PCM1: variants seen among roughly 807,000 people sequenced by gnomAD.
The protein encoded by PCM1 is pericentriolar material 1 protein.
In PCM1, 157 loss-of-function variants were observed where a neutral mutation model predicts 241.9. That is an observed-to-expected ratio of 0.65 (90% CI 0.57 to 0.74). The LOEUF is 0.74. PCM1 is among the 30% of genes least tolerant of loss of function. The probability of loss-of-function intolerance (pLI) is 0.00; values close to 1 mark genes in which losing one functional copy is unlikely to be tolerated. For missense variants in PCM1, 3,478 were observed against 2,360.1 expected (o/e 1.47, Z -9.81); for synonymous variants, 1,085 against 784.9 (o/e 1.38, Z -6.39).
chr8:17,936,652 A>G (rs1036330648), intron 3 of PCM1, among the ~76,000 whole-genome samples: 18 of 152,200 alleles, frequency 1.2e-4, no homozygotes, highest in African/African-American at 4.1e-4. Flanking sequence ...AACTGAGACT[A>G]TAGGAAGCAA....
At chr8:17,985,195 G>A (rs992802073) in intron 24 of PCM1, among the ~76,000 whole-genome samples, 5 of 151,632 alleles carry the variant, frequency 3.3e-5, no homozygotes, top group African/African-American at 1.2e-4. Flanking sequence ...AAATAAACAT[G>A]GTTCTTAGTA....
In PCM1 at chr8:17,968,762, G is replaced by GTGTGTGTGTGTGTATA. The variant is rs373502456; in HGVS notation, c.3413-814_3413-813insGTGTGTGTGTGTATAT. Among the ~76,000 whole-genome samples, 184 of 136,774 alleles carry GTGTGTGTGTGTGTATA rather than the reference G, an allele frequency of 1.3e-3. 1 individual carries two copies. The highest frequency in any genetic ancestry group is 4.5e-3 in the African/African-American group (165 of 36,444). The allele number at this position is 136,774 out of a possible 152,430, so 89.7% of individuals were successfully genotyped here. ...TGTGTGTGTGTGTGTGTGTGTGTGT[G>GTGTGTGTGTGTGTATA]TATATATATATATATACACACCACA... On this transcript the variant is annotated intron_variant, in intron 21 of 38. Transcript: ENST00000325083.
intron 1 of PCM1, among the ~76,000 whole-genome samples, chr8:17,923,912 A>AT (rs2055715912): frequency 6.6e-6 from 1 of 151,962 alleles, no homozygotes; most frequent in South Asian, 2.1e-4. Flanking sequence ...GCGTTTGGGG[A>AT]TTAGGCCCCG....
chr8:18,002,003 T>C (rs1200565692), intron 29 of PCM1, among the ~76,000 whole-genome samples: 24 of 8,410 alleles, frequency 2.9e-3, no homozygotes, highest in African/African-American at 0.012. Flanking sequence ...TTCTTTTTTT[T>C]TTTTTTTTTT....
At chr8:17,940,389 T>A (rs1172954152) in intron 6 of PCM1, among the ~76,000 whole-genome samples, 1 of 152,206 alleles carries the variant, frequency 6.6e-6, no homozygotes, top group Non-Finnish European at 1.5e-5. Flanking sequence ...TAATTTTTGA[T>A]CTTCAGTTTA....
At chr8:17,959,260 A>G (rs1310999093) in intron 13 of PCM1, among the ~76,000 whole-genome samples, 2 of 152,040 alleles carry the variant, frequency 1.3e-5, no homozygotes, top group Non-Finnish European at 2.9e-5. Context: ...GTATAGTTCT[A>G]TATAATTATA....
intron 36 of PCM1, among the ~76,000 whole-genome samples, chr8:18,020,941 C>G (rs2093698579): frequency 6.6e-6 from 1 of 152,232 alleles, no homozygotes; most frequent in East Asian, 1.9e-4. Flanking sequence ...ACAAGTAGCT[C>G]TTAATAAAAA....
chr8:17,929,500 A>G (rs1447179773), intron 2 of PCM1, among the ~76,000 whole-genome samples: 1 of 152,224 alleles, frequency 6.6e-6, no homozygotes, highest in Non-Finnish European at 1.5e-5. Flanking sequence ...GGTGTATTAT[A>G]GGCACATCAA....
intron 2 of PCM1, among the ~76,000 whole-genome samples, chr8:17,928,215 T>C (rs1461587411): frequency 6.6e-6 from 1 of 152,228 alleles, no homozygotes; most frequent in Non-Finnish European, 1.5e-5. Context: ...AGTGTTTATA[T>C]TGAGGGATAT....
At chr8:17,951,627 C>A (rs1381768355) in intron 8 of PCM1, among the ~76,000 whole-genome samples, 3 of 151,928 alleles carry the variant, frequency 2.0e-5, no homozygotes, top group Admixed American at 6.6e-5. Context: ...AAGAAGGATC[C>A]CACTTACCTT....
At chr8:17,972,957 A>C (rs1360967966) in intron 23 of PCM1, among the ~76,000 whole-genome samples, 1 of 152,136 alleles carries the variant, frequency 6.6e-6, no homozygotes, top group African/African-American at 2.4e-5. Context: ...TTATTGAAAA[A>C]TTGCCAAATG....
chr8:17,977,368 T>C (rs903086172), intron 23 of PCM1, among the ~76,000 whole-genome samples: 2 of 152,198 alleles, frequency 1.3e-5, no homozygotes, highest in African/African-American at 4.8e-5. Context: ...GATGAAGTCT[T>C]ACATAATGGC....
chr8:17,935,011 G>A (rs1296423045), intron 2 of PCM1, among the ~76,000 whole-genome samples: 1 of 152,158 alleles, frequency 6.6e-6, no homozygotes, highest in Non-Finnish European at 1.5e-5. Context: ...TTCTTAAAAT[G>A]TCTTCTAGCC....
In PCM1 at chr8:17,980,825, C is replaced by G. The variant is rs1337131598; in HGVS notation, c.4108+70C>G. On this transcript the variant is annotated intron_variant, in intron 24 of 38. Transcript: ENST00000325083. ...TTAGATTTGAAAAGCTATAATAAAG[C>G]AGGTGTTAAAATTGGTGTTTCACAC... The G allele has an allele frequency of 2.4e-6, 3 of 1,244,494 alleles. No individual in the cohort carries two copies. The East Asian group carries it at 7.1e-5, about 29-fold the overall frequency. 77.1% of individuals were successfully genotyped at this position (1,244,494 alleles called of 1,614,324 possible).
chr8:17,942,491 A>C (rs1381583565), intron 6 of PCM1, among the ~76,000 whole-genome samples: 1 of 152,132 alleles, frequency 6.6e-6, no homozygotes, highest in Non-Finnish European at 1.5e-5. Context: ...AAATAAATTT[A>C]GATGGTAGTT....
intron 29 of PCM1, among the ~76,000 whole-genome samples, chr8:17,995,335 T>TTGTA (rs2129480644): frequency 6.6e-6 from 1 of 151,308 alleles, no homozygotes; most frequent in East Asian, 1.9e-4. Flanking sequence ...AATGAGTTTA[T>TTGTA]TGTAGGTATG....
At chr8:17,979,133 G>GAA (rs57467397) in intron 23 of PCM1, among the ~76,000 whole-genome samples, 13 of 86,310 alleles carry the variant, frequency 1.5e-4, no homozygotes, top group East Asian at 3.4e-4. Context: ...CAAAAGAAAA[G>GAA]AAAAAAAAAA....
intron 8 of PCM1, among the ~76,000 whole-genome samples, chr8:17,951,192 G>A (rs2065886988): frequency 6.6e-6 from 1 of 152,206 alleles, no homozygotes; most frequent in Admixed American, 6.5e-5. Context: ...GTTAGCAAGT[G>A]TTATAATTTG....
rs188446594 is a variant in PCM1, at chr8:17,926,090, T to A, written c.-23+1310T>A. 2.9e-4 allele frequency: 44 copies of A among 152,246 alleles called. 1 individual carries two copies. In the East Asian group the frequency reaches 5.8e-3, roughly 20 times the overall value. 9.4% of individuals were successfully genotyped at this position (152,246 alleles called of 1,614,324 possible). On this transcript the variant is annotated intron_variant, in intron 2 of 38. Transcript: ENST00000325083. ...CACATGTGAATGTGTGTGTTAGAGT[T>A]GTTAATACTACAGTGATTGCTGTAT...
Sources: gnomAD v4.1 joint callset for allele counts (sites outside exome capture counted in the v4.1 genomes callset) on GRCh38, gnomAD v4.1.1 for gene constraint, MANE v1.5 for transcripts, NCBI Gene and HGNC (gene_info 2026-07-23, HGNC 2026-07-21) for gene names.